The following PCDH11X variants were observed in gnomAD, a reference collection of about 807,000 sequenced individuals.
PCDH11X encodes protocadherin 11 X-linked, also known as protocadherin-11 X-linked.
In PCDH11X, 18 loss-of-function variants were observed where a neutral mutation model predicts 53.3. That is an observed-to-expected ratio of 0.34 (90% CI 0.23 to 0.50). PCDH11X has a LOEUF of 0.50. PCDH11X is among the 20% of genes least tolerant of loss of function. The probability of loss-of-function intolerance (pLI) is 0.98; values close to 1 mark genes in which losing one functional copy is unlikely to be tolerated. For missense variants in PCDH11X, 570 were observed against 1,032.4 expected (o/e 0.55, Z 6.14); for synonymous variants, 279 against 393.3 (o/e 0.71, Z 3.44).
chrX:92,022,941 C>A (rs1211268011), intron 6 of PCDH11X, among the ~76,000 whole-genome samples: 2 of 109,705 alleles, frequency 1.8e-5, no homozygotes, highest in Non-Finnish European at 3.8e-5. Flanking sequence ...GAAATCAAGG[C>A]AGCAATCAAG....
At chrX:92,263,479 G>T (rs1232162542) in intron 8 of PCDH11X, among the ~76,000 whole-genome samples, 1 of 111,855 alleles carries the variant, frequency 8.9e-6, no homozygotes, top group Non-Finnish European at 1.9e-5. Flanking sequence ...AACAATTTTA[G>T]TGTCAATTCA....
chrX:92,344,875 AT>A (rs2069852169), intron 8 of PCDH11X, among the ~76,000 whole-genome samples: 1 of 108,001 alleles, frequency 9.3e-6, no homozygotes, highest in African/African-American at 3.4e-5. Flanking sequence ...GATAAATCTG[AT>A]AAGAGTATTC....
At chrX:92,194,438 A>G (rs1258711647) in intron 6 of PCDH11X, among the ~76,000 whole-genome samples, 1 of 111,268 alleles carries the variant, frequency 9.0e-6, no homozygotes, top group African/African-American at 3.3e-5. Context: ...ATCCAATACA[A>G]CTTCATTTTT....
At chrX:91,850,412 G>A (rs943328381) in intron 5 of PCDH11X, among the ~76,000 whole-genome samples, 1 of 111,227 alleles carries the variant, frequency 9.0e-6, no homozygotes, top group Non-Finnish European at 1.9e-5. Flanking sequence ...ATAACATATA[G>A]AGGCTGTGGA....
chrX:92,190,916 G>A (rs765097509), intron 6 of PCDH11X, among the ~76,000 whole-genome samples: 12 of 111,262 alleles, frequency 1.1e-4, no homozygotes, highest in African/African-American at 1.6e-4. Context: ...GGACCTGATC[G>A]TTGTTGCTAT....
chrX:92,156,377 C>A (rs1328994443), intron 6 of PCDH11X, among the ~76,000 whole-genome samples: 1 of 110,326 alleles, frequency 9.1e-6, no homozygotes, highest in Non-Finnish European at 1.9e-5. Context: ...CAAGTTCTTA[C>A]CCCTTCAAAT....
chrX:92,612,471 C>G (rs1215449145), intron 10 of PCDH11X, among the ~76,000 whole-genome samples: 4 of 111,659 alleles, frequency 3.6e-5, no homozygotes, highest in African/African-American at 1.3e-4. Context: ...GACTGTGCTT[C>G]TTTGGATCAT....
intron 9 of PCDH11X, chrX:92,460,515 C>A: frequency 2.8e-6 from 2 of 712,077 alleles, no homozygotes; most frequent in Admixed American, 2.2e-5. Flanking sequence ...TCACCACAGT[C>A]CGCCGAGGTT....
intron 8 of PCDH11X, among the ~76,000 whole-genome samples, chrX:92,281,839 G>A (rs2068256927): frequency 9.0e-6 from 1 of 111,344 alleles, no homozygotes; most frequent in South Asian, 3.7e-4. Context: ...AACACGTTAT[G>A]GTATATGAAA....
chrX:92,147,843 C>CTTTCTTTCTTTCTT (rs1265198496), intron 6 of PCDH11X, among the ~76,000 whole-genome samples: 4 of 97,573 alleles, frequency 4.1e-5, no homozygotes, highest in Non-Finnish European at 6.1e-5. Context: ...TTCTTTCTTT[C>CTTTCTTTCTTTCTT]TTTCTTTCTT....
Position 91,855,701 on chromosome X carries a change from T to C in PCDH11X, c.540+19657T>C, listed in dbSNP as rs1008982705. Among the ~76,000 whole-genome samples, 31 of 110,922 alleles carry C rather than the reference T, an allele frequency of 2.8e-4. 1 individual carries two copies. The highest frequency in any genetic ancestry group is 9.6e-5 in the Admixed American group (1 of 10,384). ...CATCAGTGTTTCATAGTTTTCGTGATTGAGATTTTTTACTTCTTTGGATAA... is the reference window on the plus strand; with the variant it reads ...CATCAGTGTTTCATAGTTTTCGTGACTGAGATTTTTTACTTCTTTGGATAA... On this transcript the variant is annotated intron_variant, in intron 5 of 10. Coordinates refer to ENST00000682573, the MANE Select transcript of PCDH11X (RefSeq NM_032968.5).
chrX:91,843,782 TACTAGGTTTGC>T (rs1937569558), intron 5 of PCDH11X, among the ~76,000 whole-genome samples: 1 of 111,598 alleles, frequency 9.0e-6, no homozygotes. Flanking sequence ...CTTATTTTGT[TACTAGGTTTGC>T]AATTATGGCA....
At chrX:92,188,416 T>C (rs568264406) in intron 6 of PCDH11X, among the ~76,000 whole-genome samples, 8 of 111,315 alleles carry the variant, frequency 7.2e-5, no homozygotes, top group African/African-American at 2.6e-4. Context: ...AAGACTAAGA[T>C]GTATTTGATG....
intron 6 of PCDH11X, among the ~76,000 whole-genome samples, chrX:91,943,880 G>A (rs746199095): frequency 2.0e-4 from 21 of 105,722 alleles, no homozygotes; most frequent in Admixed American, 1.3e-3. Flanking sequence ...AAAAGCCACA[G>A]GCTTACTTAT....
At chrX:92,268,860 G>A (rs1479117171) in intron 8 of PCDH11X, among the ~76,000 whole-genome samples, 4 of 111,963 alleles carry the variant, frequency 3.6e-5, no homozygotes, top group Non-Finnish European at 7.5e-5. Flanking sequence ...ACATCAGTCT[G>A]GCCAACCTCG....
chrX:92,437,053 G>A (rs779181695), intron 9 of PCDH11X, among the ~76,000 whole-genome samples: 21 of 109,455 alleles, frequency 1.9e-4, no homozygotes, highest in African/African-American at 2.7e-4. Flanking sequence ...ATGGATACCC[G>A]TTTCTCCATG....
At position 92,075,964 on chromosome X, in the gene PCDH11X, A is replaced by T. The variant is rs1213572707; in HGVS notation, c.3034-125411A>T. Among the ~76,000 whole-genome samples, 3 of 110,307 alleles carry T rather than the reference A, an allele frequency of 2.7e-5. No homozygotes were observed. In the Admixed American group the frequency reaches 2.9e-4, roughly 11 times the overall value. On this transcript the variant is annotated intron_variant, in intron 6 of 10. Transcript: ENST00000682573. ...TAGGCAGTAGTGTACAAAAACATCA[A>T]GCATAATACCTAGAGGCTGTGGAAA...
chrX:91,825,588 T>A (rs1936892896), intron 4 of PCDH11X, among the ~76,000 whole-genome samples: 1 of 110,939 alleles, frequency 9.0e-6, no homozygotes. Context: ...CACTCCCTAG[T>A]GAGATGAACC....
chrX:91,813,009 T>C lies in PCDH11X; in HGVS notation c.-45+1714T>C, dbSNP rs747350175. ...CACCACATTTTATAGACCTGTTATTTGTACCAGGTTTGGTTTTAAGAGAAC... is the reference window on the plus strand; with the variant it reads ...CACCACATTTTATAGACCTGTTATTCGTACCAGGTTTGGTTTTAAGAGAAC... On this transcript the variant is annotated intron_variant, in intron 4 of 10. Transcript: ENST00000682573. Among the ~76,000 whole-genome samples, 3 of 111,730 alleles carry C rather than the reference T, an allele frequency of 2.7e-5. No individual in the cohort carries two copies. The South Asian group carries it at 1.1e-3, about 41-fold the overall frequency.
Sources: allele counts gnomAD v4.1 joint callset (sites outside exome capture counted in the v4.1 genomes callset), GRCh38; gene constraint gnomAD v4.1.1; transcripts MANE v1.5; gene names NCBI Gene and HGNC (gene_info 2026-07-23, HGNC 2026-07-21).